PCDH10: variants seen among roughly 807,000 people sequenced by gnomAD.
The protein encoded by PCDH10 is protocadherin-10.
PCDH10 carries 15 observed loss-of-function variants against 74.4 expected under a neutral mutation model. The observed-to-expected ratio is 0.20, with a 90% confidence interval of 0.13 to 0.31. The LOEUF is 0.31. Ranked by LOEUF, PCDH10 falls within the 10% of genes least tolerant of loss-of-function variation. The probability of loss-of-function intolerance (pLI) is 1.00; values close to 1 mark genes in which losing one functional copy is unlikely to be tolerated. For synonymous variants in PCDH10, 619 were observed against 589.8 expected (o/e 1.05, Z -0.72); for missense variants, 1,260 against 1,390.2 (o/e 0.91, Z 1.49).
rs1187529286 is a variant in PCDH10 at position 133,191,059 on chromosome 4, A to G, written c.*899A>G. 1 of 152,400 alleles carries G rather than the reference A, an allele frequency of 6.6e-6. No homozygotes were observed. The highest frequency in any genetic ancestry group is 1.5e-5 in the Non-Finnish European group (1 of 67,912). The allele number at this position is 152,400 out of a possible 1,614,324, so 9.4% of individuals were successfully genotyped here. ...TCAGACAGAGCACTGACTATGTACT[A>G]TCAAACTATCTAACAATCTGCATAA... On this transcript the variant is annotated 3_prime_UTR_variant, in exon 5 of 5. Transcript: ENST00000264360.
chr4:133,158,096 G>A (rs925352435), intron 3 of PCDH10, among the ~76,000 whole-genome samples: 6 of 152,066 alleles, frequency 3.9e-5, no homozygotes, highest in Non-Finnish European at 8.8e-5. Flanking sequence ...GGCAAATGCA[G>A]ACATAAACCA....
In PCDH10 at chr4:133,184,648, TATAA is replaced by T. The variant is rs571376916; in HGVS notation, c.3104-5484_3104-5481del. On this transcript the variant is annotated intron_variant, in intron 4 of 4. Transcript: ENST00000264360. ...ATAAACCGGTTTTATTATCTATAAA[TATAA>T]ATAAATAAGTTATTTATTTATATTT... is the stretch of plus-strand genomic sequence containing the variant. Among the ~76,000 whole-genome samples the T allele has an allele frequency of 5.2e-3, 769 of 147,456 alleles. 5 individuals are homozygous for T. The highest frequency in any genetic ancestry group is 7.9e-3 in the Non-Finnish European group (532 of 67,114).
At chr4:133,206,350 T>C (rs1201313298) in intron 2 of PCDH10, among the ~76,000 whole-genome samples, 1 of 152,170 alleles carries the variant, frequency 6.6e-6, no homozygotes, top group African/African-American at 2.4e-5. Flanking sequence ...AAATCTCGTG[T>C]CTCTTAACCG....
chr4:133,199,289 A>AAAT (rs70957501), downstream of PCDH10, among the ~76,000 whole-genome samples: 17,384 of 136,528 alleles, frequency 0.13, 1,117 homozygotes, highest in South Asian at 0.2. Context: ...CCCTGTCTCA[A>AAAT]AATAATAATA....
At chr4:133,198,048 G>A (rs1173302186), downstream of PCDH10, among the ~76,000 whole-genome samples, 1 of 150,396 alleles carries the variant, frequency 6.6e-6, no homozygotes, top group Non-Finnish European at 1.5e-5. Context: ...AAGAATACAT[G>A]AAAATAAAAG....
intron 4 of PCDH10, among the ~76,000 whole-genome samples, chr4:133,178,441 G>A (rs1355748801): frequency 1.3e-5 from 2 of 151,898 alleles, no homozygotes; most frequent in Non-Finnish European, 2.9e-5. Flanking sequence ...TCTCCATGTT[G>A]GTCAGGCTGG....
At chr4:133,205,630 T>G (rs1727984313) in intron 2 of PCDH10, among the ~76,000 whole-genome samples, 1 of 152,128 alleles carries the variant, frequency 6.6e-6, no homozygotes, top group South Asian at 2.1e-4. Context: ...TCTTTTTGGC[T>G]CCTTCGTTAT....
chr4:133,169,158 T>C (rs1727149817), intron 4 of PCDH10, among the ~76,000 whole-genome samples: 1 of 151,796 alleles, frequency 6.6e-6, no homozygotes, highest in Non-Finnish European at 1.5e-5. Flanking sequence ...ACCATCTTTC[T>C]TTTGTCTACT....
Position 133,150,666 on chromosome 4 carries a change from G to C in PCDH10, c.526G>C (p.Asp176His). ...YFSLDVQTQG[D>H]GNRFAELVLE... ...CTCCCTGGACGTGCAGACCCAGGGG[G>C]ATGGCAACCGATTCGCTGAGCTGGT... The change falls in exon 1 of 5, where the codon GAT (aspartate) becomes CAT (histidine). Residue 176 changes from aspartate (D) to histidine (H), a missense_variant. By Grantham distance (81) the Asp-to-His change is moderately conservative. Transcript: ENST00000264360. 6.2e-7 allele frequency: 1 copy of C among 1,613,126 alleles called. No homozygotes were observed. The highest frequency in any genetic ancestry group is 8.5e-7 in the Non-Finnish European group (1 of 1,179,960).
rs542592886 is a variant in PCDH10, at chr4:133,184,159, T to C, written c.3104-5982T>C. On this transcript the variant is annotated intron_variant, in intron 4 of 4. Coordinates refer to ENST00000264360, the MANE Select transcript of PCDH10 (RefSeq NM_032961.3). ...TTCTAAAAGACTAATAAAGTTTACA[T>C]ATAGTACATATTATAATACTACCAT... Among the ~76,000 whole-genome samples the C allele has an allele frequency of 1.2e-3, 182 of 152,246 alleles. No individual in the cohort carries two copies. In the Middle Eastern group the frequency reaches 0.014, roughly 11 times the overall value.
At chr4:133,175,456 T>C (rs1317493929) in intron 4 of PCDH10, among the ~76,000 whole-genome samples, 6 of 152,088 alleles carry the variant, frequency 3.9e-5, no homozygotes, top group Non-Finnish European at 7.4e-5. Flanking sequence ...GTTATAGAAA[T>C]GTTCTCGTGG....
chr4:133,167,046 AAT>A (rs2125864965), intron 4 of PCDH10, among the ~76,000 whole-genome samples: 1 of 151,540 alleles, frequency 6.6e-6, no homozygotes, highest in African/African-American at 2.4e-5. Context: ...GTATACTAAA[AAT>A]CATTCTGGTT....
chr4:133,170,700 A>T (rs1251045221), intron 4 of PCDH10, among the ~76,000 whole-genome samples: 3 of 137,890 alleles, frequency 2.2e-5, no homozygotes, highest in African/African-American at 1.0e-4. Context: ...TTTGTTTTTG[A>T]TTTTTTTTGA....
chr4:133,151,094 T>C lies in PCDH10; in HGVS notation c.954T>C (p.Tyr318=). The part of the protein sequence containing the change: ...GRLEVSGELD[Y]EESPVYQVYV... ...TGGAGGTAAGCGGCGAGTTGGACTATGAAGAGAGCCCAGTGTACCAAGTGT... is the reference window on the plus strand; with the variant it reads ...TGGAGGTAAGCGGCGAGTTGGACTACGAAGAGAGCCCAGTGTACCAAGTGT... Residue 318 remains tyrosine, a synonymous_variant, in exon 1 of 5, where the codon TAT becomes TAC. Transcript: ENST00000264360. 1 of 1,614,098 alleles carries C rather than the reference T, an allele frequency of 6.2e-7. No homozygotes were observed. The highest frequency in any genetic ancestry group is 1.3e-5 in the African/African-American group (1 of 75,060).
At chr4:133,161,445 G>T (rs1210871484) in intron 3 of PCDH10, among the ~76,000 whole-genome samples, 1 of 151,684 alleles carries the variant, frequency 6.6e-6, no homozygotes, top group African/African-American at 2.4e-5. Context: ...TCATAATTTT[G>T]AAAAATTATT....
intron 4 of PCDH10, among the ~76,000 whole-genome samples, chr4:133,177,620 A>G (rs578091894): frequency 3.3e-5 from 5 of 152,246 alleles, no homozygotes; most frequent in Admixed American, 1.3e-4. Context: ...TGAAAAGAAA[A>G]ATTTCTCATT....
chr4:133,171,935 CT>C (rs1727211375), intron 4 of PCDH10, among the ~76,000 whole-genome samples: 1 of 151,334 alleles, frequency 6.6e-6, no homozygotes, highest in Admixed American at 6.6e-5. Context: ...TGATTCTTTA[CT>C]TACCTCAATC....
At chr4:133,168,047 G>GA (rs1226242585) in intron 4 of PCDH10, among the ~76,000 whole-genome samples, 2 of 150,912 alleles carry the variant, frequency 1.3e-5, no homozygotes, top group Non-Finnish European at 3.0e-5. Flanking sequence ...CTACTTCTCT[G>GA]AAAAAATGGT....
rs778912119 is a variant in PCDH10, at chr4:133,151,203, G to A, written c.1063G>A (p.Ala355Thr). 4.7e-5 allele frequency: 76 copies of A among 1,614,050 alleles called. No individual in the cohort carries two copies. The highest frequency in any genetic ancestry group is 5.8e-5 in the Non-Finnish European group (69 of 1,180,042). ...LVRVLDANDN[A>T]PEISFSTVKE... ...GCGAGTACTGGATGCTAATGACAACGCGCCAGAGATCAGCTTCAGCACCGT... is the reference window on the plus strand; with the variant it reads ...GCGAGTACTGGATGCTAATGACAACACGCCAGAGATCAGCTTCAGCACCGT... The change falls in exon 1 of 5, where the codon GCG (alanine) becomes ACG (threonine). Residue 355 changes from alanine to threonine, a missense_variant. Ala to Thr is a moderately conservative substitution (Grantham distance 58). Around this residue, in one of 11 missense-constraint regions of PCDH10, gnomAD observed 13 missense variants for 44.5 expected, o/e 0.29. Coordinates refer to ENST00000264360, the MANE Select transcript of PCDH10 (RefSeq NM_032961.3).
Sources: allele counts gnomAD v4.1 joint callset (sites outside exome capture counted in the v4.1 genomes callset), GRCh38; gene constraint gnomAD v4.1.1; regional missense constraint gnomAD v4.1.1; transcripts MANE v1.5; gene names NCBI Gene and HGNC (gene_info 2026-07-23, HGNC 2026-07-21).